DSCAML1: variants seen among roughly 807,000 people sequenced by gnomAD.
The protein encoded by DSCAML1 is DS cell adhesion molecule like 1.
In DSCAML1, 38 loss-of-function variants were observed where a neutral mutation model predicts 200.5. That is an observed-to-expected ratio of 0.19 (90% CI 0.15 to 0.25). The LOEUF is 0.25. DSCAML1 is among the 10% of genes least tolerant of loss of function. The probability of loss-of-function intolerance (pLI) is 1.00; values close to 1 mark genes in which losing one functional copy is unlikely to be tolerated. For missense variants in DSCAML1, 2,223 were observed against 2,858.8 expected (o/e 0.78, Z 5.07); for synonymous variants, 1,215 against 1,165.0 (o/e 1.04, Z -0.87).
At chr11:117,438,567 G>C (rs10892103) in intron 24 of DSCAML1, among the ~76,000 whole-genome samples, 4 of 151,864 alleles carry the variant, frequency 2.6e-5, no homozygotes, top group Non-Finnish European at 4.4e-5. Flanking sequence ...GCAGACGCAC[G>C]CCCACACTTG....
intron 31 of DSCAML1, 123 bp downstream of exon 31, chr11:117,431,411 A>C: frequency 2.2e-6 from 2 of 920,336 alleles, no homozygotes; most frequent in Non-Finnish European, 3.1e-6. Context: ...GCTAGACATG[A>C]AACTGACTTG....
chr11:117,708,860 G>C (rs2053796915), intron 3 of DSCAML1, among the ~76,000 whole-genome samples: 1 of 152,218 alleles, frequency 6.6e-6, no homozygotes, highest in Non-Finnish European at 1.5e-5. Flanking sequence ...TGGGATGTCA[G>C]ATGTAGGCTC....
At position 117,465,149 on chromosome 11, in the gene DSCAML1, G is replaced by A. The variant is rs1034319646; in HGVS notation, c.3058C>T (p.Arg1020Trp). 8.7e-6 allele frequency: 14 copies of A among 1,613,952 alleles called. No individual in the cohort carries two copies. Among genetic ancestry groups the A allele is most frequent in the East Asian group, 2.2e-5 (1 of 44,890 alleles). ...PKKELQNGVI[R>W]GYQIGYRENS... The stretch of plus-strand genomic sequence containing the variant: ...TCTCTGTAGCCAATCTGGTAGCCCC[G>A]GATGACACCGTTCTGCAGCTCCTTC... Residue 1020 changes from arginine to tryptophan, a missense_variant, in exon 17 of 33, where the codon CGG (arginine) becomes TGG (tryptophan). By Grantham distance (101) the Arg-to-Trp change is moderately radical. This residue lies in a region of DSCAML1 where 438 missense variants were observed against 629.7 expected (regional missense o/e 0.70). Coordinates refer to ENST00000651296, the MANE Select transcript of DSCAML1 (RefSeq NM_020693.4).
In DSCAML1 at chr11:117,439,922, T is replaced by C. The variant is rs2048008508; in HGVS notation, c.3877A>G (p.Ile1293Val). The C allele has an allele frequency of 6.8e-6, 11 of 1,613,992 alleles. No homozygotes were observed. Among genetic ancestry groups the C allele is most frequent in the Non-Finnish European group, 9.3e-6 (11 of 1,179,988 alleles). The change falls in exon 22 of 33, where the codon ATC (isoleucine) becomes GTC (valine). Residue 1293 changes from isoleucine to valine, a missense_variant. Ile to Val is a conservative substitution (Grantham distance 29). Transcript: ENST00000651296. ...EPAGKAPAKI[I>V]SFGGTVTTPW... ...GTTGTCACGGTGCCCCCAAAGGAGA[T>C]GATCTTTGCTGGGGCTACAGGGAGG...
chr11:117,756,183 A>C (rs187028117), intron 3 of DSCAML1, among the ~76,000 whole-genome samples: 2 of 152,252 alleles, frequency 1.3e-5, no homozygotes, highest in African/African-American at 2.4e-5. Context: ...TGGCAGCCCC[A>C]GTTCAGAGCT....
chr11:117,608,365 A>G (rs1452223651), intron 3 of DSCAML1, among the ~76,000 whole-genome samples: 3 of 152,260 alleles, frequency 2.0e-5, no homozygotes, highest in Non-Finnish European at 4.4e-5. Flanking sequence ...ATTGAAAATT[A>G]TAAAAGAAAG....
At chr11:117,674,201 T>C (rs1166086851) in intron 3 of DSCAML1, among the ~76,000 whole-genome samples, 1 of 152,248 alleles carries the variant, frequency 6.6e-6, no homozygotes, top group Non-Finnish European at 1.5e-5. Flanking sequence ...TATTTTCTCA[T>C]GACCTGAGCC....
intron 3 of DSCAML1, among the ~76,000 whole-genome samples, chr11:117,695,607 C>T (rs758203002): frequency 1.1e-4 from 16 of 152,054 alleles, no homozygotes; most frequent in African/African-American, 1.7e-4. Context: ...GGAGAGCTGG[C>T]GGAGTGGTAT....
chr11:117,810,011 ACT>A (rs1308621943), intron 1 of DSCAML1, among the ~76,000 whole-genome samples: 3 of 151,822 alleles, frequency 2.0e-5, no homozygotes, highest in Non-Finnish European at 2.9e-5. Context: ...ACATTCCCAC[ACT>A]CACACATATT....
chr11:117,550,090 C>T (rs937117422), intron 3 of DSCAML1, among the ~76,000 whole-genome samples: 1 of 152,164 alleles, frequency 6.6e-6, no homozygotes, highest in African/African-American at 2.4e-5. Flanking sequence ...AGTATCTATA[C>T]CCCTTATCCA....
chr11:117,720,495 G>A (rs777929491), intron 3 of DSCAML1, among the ~76,000 whole-genome samples: 10 of 152,210 alleles, frequency 6.6e-5, no homozygotes, highest in Non-Finnish European at 1.3e-4. Context: ...CCAAGAGCTT[G>A]TCCCCTCTCC....
upstream of DSCAML1, chr11:117,800,994 T>C (rs1462718878): frequency 3.9e-5 from 6 of 152,220 alleles, no homozygotes; most frequent in African/African-American, 1.4e-4. Context: ...AACAGGGTTT[T>C]CATAAAAGGA....
At chr11:117,795,668 A>G (rs1401273518) in intron 1 of DSCAML1, among the ~76,000 whole-genome samples, 1 of 152,174 alleles carries the variant, frequency 6.6e-6, no homozygotes, top group Non-Finnish European at 1.5e-5. Context: ...AAATGCCAGC[A>G]GTATCTGGGC....
At chr11:117,719,186 G>A (rs1370444393) in intron 3 of DSCAML1, among the ~76,000 whole-genome samples, 2 of 152,162 alleles carry the variant, frequency 1.3e-5, no homozygotes, top group African/African-American at 4.8e-5. Context: ...TGTAATACCA[G>A]CACTTTGGGA....
At chr11:117,444,859 G>A (rs1054785278) in intron 20 of DSCAML1, among the ~76,000 whole-genome samples, 12 of 152,268 alleles carry the variant, frequency 7.9e-5, no homozygotes, top group African/African-American at 2.9e-4. Context: ...TCCCTGGCAC[G>A]GGCGGGATGG....
At chr11:117,695,702 G>T (rs1056281169) in intron 3 of DSCAML1, among the ~76,000 whole-genome samples, 1 of 152,188 alleles carries the variant, frequency 6.6e-6, no homozygotes, top group Admixed American at 6.5e-5. Flanking sequence ...CCAAGAAGCG[G>T]CATTGAGGGA....
At chr11:117,527,996 G>A (rs1017081923) in intron 4 of DSCAML1, among the ~76,000 whole-genome samples, 10 of 152,190 alleles carry the variant, frequency 6.6e-5, no homozygotes, top group Admixed American at 1.3e-4. Context: ...TTCCCCACCT[G>A]CCCTGGTGGA....
intron 3 of DSCAML1, among the ~76,000 whole-genome samples, chr11:117,697,711 C>T (rs371624764): frequency 1.3e-5 from 2 of 151,796 alleles, no homozygotes; most frequent in African/African-American, 4.8e-5. Context: ...TTGTGACTGG[C>T]TCATTTCACT....
At position 117,536,164 on chromosome 11, in the gene DSCAML1, G is replaced by A. The variant is rs551550048; in HGVS notation, c.512-3642C>T. Among the ~76,000 whole-genome samples, 11 of 151,602 alleles carry A rather than the reference G, an allele frequency of 7.3e-5. 1 individual carries two copies. Among genetic ancestry groups the A allele is most frequent in the East Asian group, 1.9e-4 (1 of 5,198 alleles). ...CAGGGGTATGATGTTAGTCCCCTTG[G>A]GGGGGCTTGTGCAACATCAGTTCTG... On this transcript the variant is annotated intron_variant, in intron 3 of 32. Transcript: ENST00000651296.
Sources: allele counts gnomAD v4.1 joint callset (sites outside exome capture counted in the v4.1 genomes callset), GRCh38; gene constraint gnomAD v4.1.1; regional missense constraint gnomAD v4.1.1; transcripts MANE v1.5; gene names NCBI Gene and HGNC (gene_info 2026-07-23, HGNC 2026-07-21).